Variants in NTPCR observed in about 807,000 individuals in gnomAD.
NTPCR encodes nucleoside-triphosphatase, cancer-related.
NTPCR carries 15 observed loss-of-function variants against 19.5 expected under a neutral mutation model. The ratio of observed to expected loss-of-function variants is 0.77; its 90% CI spans 0.51 to 1.18. The LOEUF (loss-of-function observed/expected upper bound fraction) is 1.18, where lower values mean the gene tolerates loss of function less well. Among genes scored for constraint, NTPCR ranks in the 50% most tolerant of loss-of-function variants. The probability of loss-of-function intolerance (pLI) is 0.00; values close to 1 mark genes in which losing one functional copy is unlikely to be tolerated. For missense variants in NTPCR, 206 were observed against 240.4 expected, an observed-to-expected ratio of 0.86 and a Z score of 0.95; for synonymous variants, 90 against 95.8, an observed-to-expected ratio of 0.94 and a Z score of 0.36.
At chr1:232,950,911 C>T (rs1195770973) in intron 1 of NTPCR, 167 bp downstream of exon 1, 5 of 570,234 alleles carry the variant, frequency 8.8e-6, no homozygotes, top group African/African-American at 2.0e-5. Context: ...TACTCCTTCC[C>T]GGAAAACGTG....
intron 4 of NTPCR, among the ~76,000 whole-genome samples, chr1:232,974,308 A>C (rs1387677394): frequency 6.6e-6 from 1 of 152,236 alleles, no homozygotes; most frequent in African/African-American, 2.4e-5. Context: ...GAAAACTAAG[A>C]GAATTTGTCA....
At chr1:232,962,327 A>C (rs1367313813) in intron 3 of NTPCR, 1 of 152,166 alleles carries the variant, frequency 6.6e-6, no homozygotes, top group Non-Finnish European at 1.5e-5. Flanking sequence ...AGATAATCTT[A>C]ATTCTCCACA....
At chr1:232,967,535 A>C (rs760971560) in intron 3 of NTPCR, 1 of 152,164 alleles carries the variant, frequency 6.6e-6, no homozygotes, top group Non-Finnish European at 1.5e-5. Context: ...AACTTAAATA[A>C]ATGTTGATGA....
At chr1:232,953,021 C>A (rs533895552) in intron 1 of NTPCR, among the ~76,000 whole-genome samples, 4 of 152,180 alleles carry the variant, frequency 2.6e-5, no homozygotes, top group African/African-American at 9.7e-5. Flanking sequence ...GATAAATTCC[C>A]TACTTTCTCA....
intron 4 of NTPCR, among the ~76,000 whole-genome samples, chr1:232,972,608 TAG>T (rs1334568779): frequency 6.6e-6 from 1 of 152,036 alleles, no homozygotes; most frequent in Non-Finnish European, 1.5e-5. Flanking sequence ...GCATTTTTTG[TAG>T]AGATGGGGTT....
intron 1 of NTPCR, among the ~76,000 whole-genome samples, chr1:232,954,536 T>G (rs1668460848): frequency 6.6e-6 from 1 of 152,224 alleles, no homozygotes; most frequent in Non-Finnish European, 1.5e-5. Context: ...AAGGCTCATA[T>G]TTTAAAAAGT....
At chr1:232,952,924 TG>T (rs1437388360) in intron 1 of NTPCR, among the ~76,000 whole-genome samples, 2 of 152,186 alleles carry the variant, frequency 1.3e-5, no homozygotes, top group Non-Finnish European at 2.9e-5. Flanking sequence ...GGAGCCCACT[TG>T]GCCTGCAAAC....
chr1:232,959,626 CA>C (rs1668612681), intron 3 of NTPCR, among the ~76,000 whole-genome samples: 1 of 152,042 alleles, frequency 6.6e-6, no homozygotes, highest in Non-Finnish European at 1.5e-5. Context: ...GGAGTATAAA[CA>C]CACCATTTTT....
rs1238778421 is a variant in NTPCR at position 232,964,063 on chromosome 1, C to A, written c.295-5846C>A. 2.0e-5 allele frequency: 3 copies of A among 152,122 alleles called. No homozygotes were observed. In the East Asian group the frequency reaches 5.8e-4, roughly 29 times the overall value. 9.4% of individuals were successfully genotyped at this position (152,122 alleles called of 1,614,324 possible). On this transcript the variant is annotated intron_variant, in intron 3 of 4. Transcript: ENST00000366628. ...AATACTTTAATCTATCGTTAGTGTTCTAGTTTCATCAGTTGACAATATTCT... is the reference window on the plus strand; with the variant it reads ...AATACTTTAATCTATCGTTAGTGTTATAGTTTCATCAGTTGACAATATTCT...
chr1:232,977,840 C>G (rs1021863676), intron 4 of NTPCR, among the ~76,000 whole-genome samples: 5 of 152,184 alleles, frequency 3.3e-5, no homozygotes, highest in Non-Finnish European at 7.3e-5. Context: ...AGGTCGTGCT[C>G]AGGGGTCCTG....
In NTPCR at chr1:232,978,555, T is replaced by C. The variant is rs543563576; in HGVS notation, c.*324T>C. On this transcript the variant is annotated 3_prime_UTR_variant, in exon 5 of 5. Transcript: ENST00000366628. ...GAGTATTAGATGGAATTCACCCCCG[T>C]TGAAGTTTATAAATGTGTTCAGGGG... The C allele has an allele frequency of 4.8e-5, 10 of 206,998 alleles. No individual in the cohort carries two copies. The East Asian group carries it at 1.0e-3, about 21-fold the overall frequency. The allele number at this position is 206,998 out of a possible 1,614,324, so 12.8% of individuals were successfully genotyped here.
chr1:232,950,640 G>A lies in NTPCR; in HGVS notation c.-71G>A, dbSNP rs1212141525. ...GGGTCCTGAGTCGCGACCCTGGTCC[G>A]GACCTGACCTGAATTGCGACCCCAA... On this transcript the variant is annotated 5_prime_UTR_variant, in exon 1 of 5. Coordinates refer to ENST00000366628, the MANE Select transcript of NTPCR (RefSeq NM_032324.3). 6.2e-6 allele frequency: 8 copies of A among 1,292,208 alleles called. No homozygotes were observed. Among genetic ancestry groups the A allele is most frequent in the African/African-American group, 1.5e-5 (1 of 68,386 alleles). 80.0% of individuals were successfully genotyped at this position (1,292,208 alleles called of 1,614,324 possible).
At chr1:232,976,578 A>G in intron 4 of NTPCR, 1 of 1,471,524 alleles carries the variant, frequency 6.8e-7, no homozygotes, top group Non-Finnish European at 9.0e-7. Flanking sequence ...AGCATCAAAA[A>G]GCCTTATAGG....
chr1:232,954,333 G>A (rs1263825826), intron 1 of NTPCR, among the ~76,000 whole-genome samples: 3 of 152,228 alleles, frequency 2.0e-5, no homozygotes, highest in Non-Finnish European at 4.4e-5. Flanking sequence ...TGTGAAGATA[G>A]ATACATTAAA....
chr1:232,972,716 T>G (rs939216287), intron 4 of NTPCR, among the ~76,000 whole-genome samples: 1 of 152,266 alleles, frequency 6.6e-6, no homozygotes, highest in Non-Finnish European at 1.5e-5. Context: ...CATGAGCCAC[T>G]GTGCCTGGCC....
At chr1:232,957,965 G>A (rs1185130429) in intron 3 of NTPCR, among the ~76,000 whole-genome samples, 1 of 152,122 alleles carries the variant, frequency 6.6e-6, no homozygotes, top group South Asian at 2.1e-4. Context: ...GTCAGGGTGG[G>A]GAGGTCTGGG....
At chr1:232,959,417 G>A (rs1668606859) in intron 3 of NTPCR, among the ~76,000 whole-genome samples, 1 of 152,116 alleles carries the variant, frequency 6.6e-6, no homozygotes, top group Non-Finnish European at 1.5e-5. Context: ...GTCTCAGGTA[G>A]TTATAGCAGT....
chr1:232,955,687 G>T lies in NTPCR; in HGVS notation c.165G>T (p.Leu55Phe). ...GAATAGGATTCGATGTCGTCACGTT[G>T]TCCGGCACCCGGGGGCCTTTATCGA... ...GRRIGFDVVT[L>F]SGTRGPLSRV... Residue 55 changes from leucine to phenylalanine, a missense_variant, in exon 2 of 5, where the codon TTG becomes TTT. Physicochemically the swap from Leu to Phe is conservative, Grantham distance 22. Coordinates refer to ENST00000366628, the MANE Select transcript of NTPCR (RefSeq NM_032324.3). 1 of 1,614,024 alleles carries T rather than the reference G, an allele frequency of 6.2e-7. No individual in the cohort carries two copies. Among genetic ancestry groups the T allele is most frequent in the Non-Finnish European group, 8.5e-7 (1 of 1,179,980 alleles).
intron 4 of NTPCR, among the ~76,000 whole-genome samples, chr1:232,976,117 GC>G: frequency 6.6e-6 from 1 of 152,246 alleles, no homozygotes; most frequent in Middle Eastern, 3.4e-3. Flanking sequence ...TGGAGTGTTT[GC>G]ATTCTGCTCA....
Sources: allele counts gnomAD v4.1 joint callset (sites outside exome capture counted in the v4.1 genomes callset), GRCh38; gene constraint gnomAD v4.1.1; transcripts MANE v1.5; gene names NCBI Gene and HGNC (gene_info 2026-07-23, HGNC 2026-07-21).